The following POU6F2 variants were observed in gnomAD, a reference collection of about 807,000 sequenced individuals.
POU6F2 encodes the protein POU domain, class 6, transcription factor 2.
Under a neutral mutation model 71.3 loss-of-function variants are expected in POU6F2, and 31 were observed. The observed-to-expected ratio is 0.43, with a 90% confidence interval of 0.33 to 0.59. The LOEUF is 0.59. Ranked by LOEUF, POU6F2 falls within the 20% of genes least tolerant of loss-of-function variation. The pLI is 0.04. For missense variants in POU6F2, 783 were observed against 856.8 expected (o/e 0.91, Z 1.07); for synonymous variants, 347 against 355.7 (o/e 0.98, Z 0.27).
rs150966416 is a variant in POU6F2 at position 39,243,554 on chromosome 7, A to G, written c.598+35934A>G. On this transcript the variant is annotated intron_variant, in intron 4 of 9. Transcript: ENST00000518318. The stretch of plus-strand genomic sequence containing the variant: ...GGATGAGAGCAAACAAAGAAAAAAT[A>G]TAACAAAAAGCCCTTTAATCCTTAT... 6.6e-5 allele frequency among the ~76,000 whole-genome samples: 10 copies of G among 152,284 alleles called. No homozygotes were observed. In the East Asian group the frequency reaches 9.7e-4, roughly 15 times the overall value.
At chr7:39,023,958 C>A (rs1789739278) in intron 1 of POU6F2, among the ~76,000 whole-genome samples, 1 of 151,880 alleles carries the variant, frequency 6.6e-6, no homozygotes, top group African/African-American at 2.4e-5. Context: ...TAATATAAAA[C>A]CTTTGCTTAG....
At chr7:39,140,239 C>G (rs932820532) in intron 2 of POU6F2, among the ~76,000 whole-genome samples, 6 of 152,140 alleles carry the variant, frequency 3.9e-5, no homozygotes, top group Admixed American at 1.3e-4. Context: ...ACCCTGGTGT[C>G]CCTCCACCTC....
intron 6 of POU6F2, among the ~76,000 whole-genome samples, chr7:39,426,403 A>G (rs2237392): frequency 0.019 from 2,952 of 152,218 alleles, 71 homozygotes; most frequent in East Asian, 0.062. Flanking sequence ...GTGTTGTCCC[A>G]GTGGCCATTC....
chr7:39,066,862 T>C (rs1790764261), intron 1 of POU6F2, among the ~76,000 whole-genome samples: 1 of 148,250 alleles, frequency 6.7e-6, no homozygotes, highest in Non-Finnish European at 1.5e-5. Flanking sequence ...ATATAATATA[T>C]GTAGCATATT....
chr7:39,400,722 T>C (rs1263625388), intron 5 of POU6F2, among the ~76,000 whole-genome samples: 1 of 152,246 alleles, frequency 6.6e-6, no homozygotes, highest in African/African-American at 2.4e-5. Flanking sequence ...TTAGCCAATA[T>C]GGCTGTATAT....
At chr7:39,437,112 G>A (rs1026361196) in intron 7 of POU6F2, among the ~76,000 whole-genome samples, 13 of 152,272 alleles carry the variant, frequency 8.5e-5, no homozygotes, top group African/African-American at 3.1e-4. Context: ...CCCGATTGTG[G>A]TATCAGGATG....
chr7:39,230,344 G>A (rs976739727), intron 4 of POU6F2, among the ~76,000 whole-genome samples: 7 of 152,130 alleles, frequency 4.6e-5, no homozygotes, highest in African/African-American at 1.4e-4. Flanking sequence ...ATTTAGCTGG[G>A]TGTAGTGGTG....
At position 39,344,651 on chromosome 7, in the gene POU6F2, T is replaced by TC. The variant is rs3216236; in HGVS notation, c.972+4644dup. The stretch of plus-strand genomic sequence containing the variant: ...ACCCAGTGTCCTAGGCCAAACCCCC[T>TC]CCCCCCCCAGCAATTAGTCTTAATC... On this transcript the variant is annotated intron_variant, in intron 5 of 9. Coordinates refer to ENST00000518318, the MANE Select transcript of POU6F2 (RefSeq NM_001370959.1). Among the ~76,000 whole-genome samples, 17 of 151,098 alleles carry TC rather than the reference T, an allele frequency of 1.1e-4. 1 individual carries two copies. The highest frequency in any genetic ancestry group is 3.2e-4 in the African/African-American group (13 of 41,064).
intron 2 of POU6F2, among the ~76,000 whole-genome samples, chr7:39,148,669 T>A (rs918260746): frequency 6.6e-6 from 1 of 152,130 alleles, no homozygotes; most frequent in African/African-American, 2.4e-5. Context: ...TGAGCTGATG[T>A]TCATGGCAAC....
At chr7:39,306,303 A>G (rs1785047614) in intron 4 of POU6F2, among the ~76,000 whole-genome samples, 1 of 152,276 alleles carries the variant, frequency 6.6e-6, no homozygotes, top group African/African-American at 2.4e-5. Context: ...CACAAAGGAA[A>G]TAATAGCTAT....
chr7:39,143,121 T>C (rs146025499), intron 2 of POU6F2, among the ~76,000 whole-genome samples: 5 of 152,186 alleles, frequency 3.3e-5, no homozygotes, highest in Non-Finnish European at 5.9e-5. Context: ...GAGAAGTACA[T>C]GCAATGAGGA....
At chr7:39,132,164 G>T (rs748627454) in intron 2 of POU6F2, among the ~76,000 whole-genome samples, 1 of 152,146 alleles carries the variant, frequency 6.6e-6, no homozygotes, top group Non-Finnish European at 1.5e-5. Flanking sequence ...TGAAAGTAAC[G>T]GATAATGACC....
intron 2 of POU6F2, among the ~76,000 whole-genome samples, chr7:39,169,585 C>T (rs1301004699): frequency 3.3e-5 from 5 of 152,082 alleles, no homozygotes; most frequent in African/African-American, 9.7e-5. Context: ...TCTTTTTGGG[C>T]CTAACGTAGA....
chr7:39,027,249 C>A (rs184841315), intron 1 of POU6F2, among the ~76,000 whole-genome samples: 145 of 152,064 alleles, frequency 9.5e-4, no homozygotes, highest in African/African-American at 3.1e-3. Context: ...ACATTGGGTA[C>A]CTTTGATATT....
intron 5 of POU6F2, among the ~76,000 whole-genome samples, chr7:39,354,933 C>A (rs1487823259): frequency 1.3e-5 from 2 of 152,338 alleles, no homozygotes; most frequent in Non-Finnish European, 2.9e-5. Context: ...GCAGTAAGAG[C>A]TCTCTTCTTG....
intron 4 of POU6F2, among the ~76,000 whole-genome samples, chr7:39,247,037 T>A (rs1351595347): frequency 1.3e-5 from 2 of 150,962 alleles, no homozygotes; most frequent in African/African-American, 4.9e-5. Context: ...CCACTCTGAC[T>A]GAGAAACAAA....
intron 2 of POU6F2, among the ~76,000 whole-genome samples, chr7:39,186,067 C>T (rs1218957518): frequency 6.6e-6 from 1 of 152,154 alleles, no homozygotes; most frequent in Non-Finnish European, 1.5e-5. Flanking sequence ...CTCACTACCA[C>T]GCGTGGCTGG....
intron 5 of POU6F2, among the ~76,000 whole-genome samples, chr7:39,350,785 C>T (rs1290739463): frequency 6.6e-6 from 1 of 152,212 alleles, no homozygotes; most frequent in Non-Finnish European, 1.5e-5. Context: ...TTTTCAGGGC[C>T]ACTGGGCCTT....
intron 2 of POU6F2, among the ~76,000 whole-genome samples, chr7:39,200,847 C>T (rs1793882475): frequency 9.2e-6 from 1 of 108,172 alleles, no homozygotes; most frequent in African/African-American, 3.8e-5. Flanking sequence ...ATTTCTGTAC[C>T]AACAAGAAAA....
Sources: allele counts gnomAD v4.1 joint callset (sites outside exome capture counted in the v4.1 genomes callset), GRCh38; gene constraint gnomAD v4.1.1; transcripts MANE v1.5; gene names NCBI Gene and HGNC (gene_info 2026-07-23, HGNC 2026-07-21).